Variants in GLIS3 observed in about 807,000 individuals in gnomAD.
The protein encoded by GLIS3 is zinc finger protein GLIS3.
GLIS3 carries 53 observed loss-of-function variants against 78.6 expected under a neutral mutation model. The observed-to-expected ratio is 0.67, with a 90% CI of 0.54 to 0.85. GLIS3 has a LOEUF of 0.85. Among genes scored for constraint, GLIS3 ranks in the 40% least tolerant of loss-of-function variants. The pLI, the probability that GLIS3 is intolerant of heterozygous loss-of-function variation, is 0.00. For missense variants in GLIS3, 1,703 were observed against 1,231.1 expected (o/e 1.38, Z -5.74); for synonymous variants, 684 against 509.9 (o/e 1.34, Z -4.60).
intron 4 of GLIS3, among the ~76,000 whole-genome samples, chr9:4,021,727 A>G (rs1822901746): frequency 6.6e-6 from 1 of 152,172 alleles, no homozygotes; most frequent in African/African-American, 2.4e-5. Flanking sequence ...AGCTAGCTCT[A>G]AGAAGTATCC....
chr9:3,860,491 C>G (rs1820139973), intron 8 of GLIS3, among the ~76,000 whole-genome samples: 1 of 151,990 alleles, frequency 6.6e-6, no homozygotes, highest in African/African-American at 2.4e-5. Context: ...GTGGGGTGGC[C>G]CAACAGCATT....
chr9:4,416,267 A>ATT, the GLIS3 span, among the ~76,000 whole-genome samples: 1 of 148,368 alleles, frequency 6.7e-6, no homozygotes, highest in Admixed American at 6.7e-5. Flanking sequence ...AAAAAAAAAA[A>ATT]AAAAAAAAAA....
intron 4 of GLIS3, among the ~76,000 whole-genome samples, chr9:4,088,624 A>G (rs990355194): frequency 6.6e-6 from 1 of 152,230 alleles, no homozygotes. Flanking sequence ...TTCAATAAAT[A>G]TTTACTGAGC....
chr9:4,295,619 C>G (rs907173108), intron 1 of GLIS3, among the ~76,000 whole-genome samples: 6 of 152,136 alleles, frequency 3.9e-5, no homozygotes, highest in East Asian at 1.9e-4. Context: ...TTACCTTAGG[C>G]AGAGGTGGTA....
chr9:4,220,515 A>C (rs1489074687), intron 2 of GLIS3, among the ~76,000 whole-genome samples: 1 of 152,202 alleles, frequency 6.6e-6, no homozygotes, highest in Non-Finnish European at 1.5e-5. Context: ...AACATACATC[A>C]TGTCTGTGGT....
intron 4 of GLIS3, 28 bp from the exon 5 acceptor site, chr9:3,937,217 T>C (rs1024205214): frequency 1.9e-6 from 3 of 1,613,692 alleles, no homozygotes; most frequent in South Asian, 1.1e-5. Context: ...TTTTTGGTGG[T>C]TGAGAAGGAC....
In GLIS3 at chr9:4,209,822, C is replaced by A. The variant is rs10814884; in HGVS notation, c.388+76216G>T. On this transcript the variant is annotated intron_variant, in intron 2 of 10. Coordinates refer to ENST00000381971, the MANE Select transcript of GLIS3 (RefSeq NM_001042413.2). ...GAATCCAGTAGCATTCCCGCCCCCC[C>A]CCAGTTGTGACCATCAAAATGTCTC... Among the ~76,000 whole-genome samples, 9 of 121,156 alleles carry A rather than the reference C, an allele frequency of 7.4e-5. No homozygotes were observed. The East Asian group carries it at 9.0e-4, about 12-fold the overall frequency. 79.5% of individuals were successfully genotyped at this position (121,156 alleles called of 152,430 possible). A position where few individuals can be genotyped will look rare whatever the true frequency, so the allele number is the denominator to read the frequency against.
At chr9:4,408,598 G>A in the GLIS3 span, among the ~76,000 whole-genome samples, 4 of 148,842 alleles carry the variant, frequency 2.7e-5, no homozygotes, top group African/African-American at 5.0e-5. Flanking sequence ...GCGGTGGCGG[G>A]CGCCTGTAGT....
At chr9:4,062,182 A>G (rs1316455452) in intron 4 of GLIS3, among the ~76,000 whole-genome samples, 1 of 152,238 alleles carries the variant, frequency 6.6e-6, no homozygotes, top group African/African-American at 2.4e-5. Context: ...CAACAAATGC[A>G]CAGTCATATT....
intron 2 of GLIS3, among the ~76,000 whole-genome samples, chr9:4,254,223 C>A (rs1488735018): frequency 1.3e-5 from 2 of 152,148 alleles, no homozygotes; most frequent in Non-Finnish European, 2.9e-5. Context: ...TGTTTAATAA[C>A]CTCTATTAGT....
intron 1 of GLIS3, among the ~76,000 whole-genome samples, chr9:4,297,358 A>C (rs1587353687): frequency 6.6e-6 from 1 of 151,934 alleles, no homozygotes; most frequent in Non-Finnish European, 1.5e-5. Flanking sequence ...CTTGGGCAAA[A>C]CCTCTAACGT....
chr9:4,244,865 C>A (rs1439346876), intron 2 of GLIS3, among the ~76,000 whole-genome samples: 1 of 152,278 alleles, frequency 6.6e-6, no homozygotes, highest in East Asian at 1.9e-4. Context: ...TGTAAGCCAC[C>A]ATGCCTGACC....
At chr9:4,436,611 C>A in the GLIS3 span, among the ~76,000 whole-genome samples, 1 of 151,972 alleles carries the variant, frequency 6.6e-6, no homozygotes, top group African/African-American at 2.4e-5. Flanking sequence ...TCAAGACCAG[C>A]CTAGCCAACA....
At chr9:4,025,151 C>G (rs990657169) in intron 4 of GLIS3, among the ~76,000 whole-genome samples, 1 of 151,608 alleles carries the variant, frequency 6.6e-6, no homozygotes, top group Non-Finnish European at 1.5e-5. Flanking sequence ...ACTCGGGAGG[C>G]TGAGGCAGGA....
intron 3 of GLIS3, among the ~76,000 whole-genome samples, chr9:4,309,175 C>T (rs1817300236): frequency 2.0e-5 from 3 of 152,156 alleles, no homozygotes; most frequent in Admixed American, 6.5e-5. Context: ...TGTATATGCC[C>T]GTGCCTCGTT....
chr9:3,913,154 A>G (rs1453976553), intron 6 of GLIS3, among the ~76,000 whole-genome samples: 6 of 152,202 alleles, frequency 3.9e-5, no homozygotes, highest in Admixed American at 3.9e-4. Flanking sequence ...GACTCACTGT[A>G]AAAGTCAGTG....
intron 4 of GLIS3, among the ~76,000 whole-genome samples, chr9:4,066,173 CA>C (rs1194100897): frequency 1.3e-5 from 2 of 151,898 alleles, no homozygotes; most frequent in African/African-American, 4.8e-5. Flanking sequence ...AAAGAGCAAA[CA>C]GCACTTGTTT....
intron 4 of GLIS3, among the ~76,000 whole-genome samples, chr9:4,036,727 C>T (rs1683521855): frequency 6.6e-6 from 1 of 152,108 alleles, no homozygotes; most frequent in Admixed American, 6.6e-5. Flanking sequence ...TTAATTCCCA[C>T]CATAGTGATT....
intron 2 of GLIS3, among the ~76,000 whole-genome samples, chr9:4,168,349 G>C (rs1816059921): frequency 6.6e-6 from 1 of 152,102 alleles, no homozygotes; most frequent in African/African-American, 2.4e-5. Context: ...ACTTGAGACT[G>C]TTAACGGGAC....
Sources: gnomAD v4.1 joint callset for allele counts (sites outside exome capture counted in the v4.1 genomes callset) on GRCh38, gnomAD v4.1.1 for gene constraint, MANE v1.5 for transcripts, NCBI Gene and HGNC (gene_info 2026-07-23, HGNC 2026-07-21) for gene names.